Variants in POLK observed in about 807,000 individuals in gnomAD.
POLK encodes DNA polymerase kappa, also known as polymerase (DNA directed) kappa.
Under a neutral mutation model 94.0 loss-of-function variants are expected in POLK, and 76 were observed. The ratio of observed to expected loss-of-function variants is 0.81; its 90% CI spans 0.67 to 0.98. The LOEUF is 0.98. Among genes scored for constraint, POLK ranks in the 50% least tolerant of loss-of-function variants. POLK has a pLI of 0.00. For missense variants in POLK, 954 were observed against 1,010.1 expected, an observed-to-expected ratio of 0.94 and a Z score of 0.75; for synonymous variants, 349 against 325.4, an observed-to-expected ratio of 1.07 and a Z score of -0.78.
chr5:75,583,058 A>G (rs1561397758), intron 7 of POLK: 1 of 312,696 alleles, frequency 3.2e-6, no homozygotes, highest in East Asian at 6.1e-5. Flanking sequence ...AATGTCATGG[A>G]GAATTAAATA....
At chr5:75,569,569 T>A in intron 4 of POLK, 77 bp downstream of exon 4, 1 of 1,235,412 alleles carries the variant, frequency 8.1e-7, no homozygotes. Flanking sequence ...AAGGGGGAAT[T>A]CTTTATTGAG....
At chr5:75,511,597 A>T (rs1768010074), upstream of POLK, 1 of 1,465,804 alleles carries the variant, frequency 6.8e-7, no homozygotes, top group Admixed American at 2.4e-5. Flanking sequence ...CACCTCCGCT[A>T]CCGCCGCCAT....
chr5:75,536,255 T>C (rs79029027), intron 1 of POLK, among the ~76,000 whole-genome samples: 7,512 of 152,192 alleles, frequency 0.049, 560 homozygotes, highest in African/African-American at 0.17. Flanking sequence ...CCTACATTTT[T>C]TGGGGGGTGT....
intron 1 of POLK, among the ~76,000 whole-genome samples, chr5:75,538,116 A>G (rs1296658163): frequency 6.6e-6 from 1 of 152,186 alleles, no homozygotes; most frequent in Admixed American, 6.5e-5. Flanking sequence ...TCGGCCTCCC[A>G]AAGTGCTGAG....
intron 1 of POLK, among the ~76,000 whole-genome samples, chr5:75,525,401 T>C (rs1287328239): frequency 1.3e-5 from 2 of 152,088 alleles, no homozygotes; most frequent in African/African-American, 4.8e-5. Context: ...ATGGACTTAA[T>C]AGCAAAATGG....
At chr5:75,581,535 A>G in intron 7 of POLK, 87 bp downstream of exon 7, 1 of 1,114,590 alleles carries the variant, frequency 9.0e-7, no homozygotes, top group Non-Finnish European at 1.3e-6. Flanking sequence ...CTCATTATAA[A>G]GTATATAGTA....
downstream of POLK, among the ~76,000 whole-genome samples, chr5:75,602,277 C>T (rs117031576): frequency 2.1e-3 from 317 of 152,290 alleles, 1 homozygote; most frequent in East Asian, 0.027. Flanking sequence ...ACCTCATGGC[C>T]CAGGGCTTCA....
At chr5:75,546,024 T>C (rs544882091) in intron 1 of POLK, among the ~76,000 whole-genome samples, 1 of 152,300 alleles carries the variant, frequency 6.6e-6, no homozygotes, top group East Asian at 1.9e-4. Context: ...AAGAATATCA[T>C]AATCTTGTGA....
At chr5:75,582,063 C>T in intron 7 of POLK, 6 of 981,036 alleles carry the variant, frequency 6.1e-6, no homozygotes, top group Non-Finnish European at 7.3e-6. Flanking sequence ...TTAGTTTTTC[C>T]TTGGGAGACT....
At chr5:75,519,223 A>G (rs150838421) in intron 1 of POLK, among the ~76,000 whole-genome samples, 1 of 152,172 alleles carries the variant, frequency 6.6e-6, no homozygotes, top group African/African-American at 2.4e-5. Flanking sequence ...AATGATTTCA[A>G]GTTTTATTCC....
chr5:75,527,754 G>C (rs184437673), intron 1 of POLK, among the ~76,000 whole-genome samples: 1 of 152,142 alleles, frequency 6.6e-6, no homozygotes, highest in Admixed American at 6.5e-5. Flanking sequence ...CAGGCTGATA[G>C]GTAAGAAGGT....
At chr5:75,539,809 A>G (rs1028509892) in intron 1 of POLK, among the ~76,000 whole-genome samples, 5 of 152,242 alleles carry the variant, frequency 3.3e-5, no homozygotes, top group Admixed American at 1.3e-4. Flanking sequence ...GAAGTTTACT[A>G]TGAGCTTTCC....
chr5:75,526,394 G>A (rs1426027360), intron 1 of POLK, among the ~76,000 whole-genome samples: 3 of 151,890 alleles, frequency 2.0e-5, no homozygotes, highest in Non-Finnish European at 4.4e-5. Context: ...AAAAACCTCA[G>A]CACCTAATTA....
intron 2 of POLK, among the ~76,000 whole-genome samples, chr5:75,550,083 G>T (rs1215265290): frequency 1.3e-5 from 2 of 152,118 alleles, no homozygotes; most frequent in African/African-American, 2.4e-5. Context: ...TATTCCACAA[G>T]CTCTTCTAGA....
downstream of POLK, among the ~76,000 whole-genome samples, chr5:75,605,599 T>A (rs1339080059): frequency 6.6e-6 from 1 of 152,188 alleles, no homozygotes; most frequent in Non-Finnish European, 1.5e-5. Flanking sequence ...TGGGCAGAGA[T>A]CCTGGTTGTC....
At chr5:75,568,753 T>C (rs1771420311) in intron 3 of POLK, 2 of 393,494 alleles carry the variant, frequency 5.1e-6, no homozygotes, top group Non-Finnish European at 9.9e-6. Flanking sequence ...TCTTCAGTTG[T>C]ACCTTCCTGT....
intron 8 of POLK, among the ~76,000 whole-genome samples, chr5:75,584,447 T>A (rs1772356407): frequency 6.6e-6 from 1 of 152,102 alleles, no homozygotes; most frequent in Non-Finnish European, 1.5e-5. Flanking sequence ...GGTGGGCGGA[T>A]CACCTAAGGT....
intron 6 of POLK, among the ~76,000 whole-genome samples, chr5:75,577,852 GA>G (rs1342855547): frequency 6.6e-6 from 1 of 152,134 alleles, no homozygotes; most frequent in Non-Finnish European, 1.5e-5. Flanking sequence ...AGTGCTAAGG[GA>G]TAGCTCTCTC....
At chr5:75,539,704 C>G (rs1277626457) in intron 1 of POLK, among the ~76,000 whole-genome samples, 1 of 152,170 alleles carries the variant, frequency 6.6e-6, no homozygotes, top group East Asian at 1.9e-4. Context: ...AGCAATCCTC[C>G]TGCCTTGGCT....
Sources: allele counts gnomAD v4.1 joint callset (sites outside exome capture counted in the v4.1 genomes callset), GRCh38; gene constraint gnomAD v4.1.1; transcripts MANE v1.5; gene names NCBI Gene and HGNC (gene_info 2026-07-23, HGNC 2026-07-21).